ULK4: variants seen among roughly 807,000 people sequenced by gnomAD.
ULK4 encodes unc-51 like kinase 4, also known as inactive serine/threonine-protein kinase ULK4.
A neutral mutation model predicts 160.6 loss-of-function variants in ULK4; 133 were observed. The observed-to-expected ratio is 0.83, with a 90% CI of 0.72 to 0.96. The LOEUF is 0.96. Among genes scored for constraint, ULK4 ranks in the 40% least tolerant of loss-of-function variants. The pLI is 0.00. For missense variants in ULK4, 1,580 were observed against 1,499.5 expected (o/e 1.05, Z -0.89); for synonymous variants, 534 against 539.8 (o/e 0.99, Z 0.15).
intron 17 of ULK4, chr3:41,882,424 G>C: frequency 6.4e-6 from 4 of 628,476 alleles, no homozygotes. Context: ...ATTCAGACTA[G>C]CTTTTCTTCA....
chr3:41,468,412 G>A (rs975136526), intron 32 of ULK4, among the ~76,000 whole-genome samples: 1 of 152,130 alleles, frequency 6.6e-6, no homozygotes, highest in South Asian at 2.1e-4. Context: ...TAGGAATCAC[G>A]ACAATGTAAA....
intron 32 of ULK4, among the ~76,000 whole-genome samples, chr3:41,557,166 T>G (rs531412632): frequency 6.6e-6 from 1 of 152,042 alleles, no homozygotes; most frequent in African/African-American, 2.4e-5. Context: ...ATTTGACAAA[T>G]GTCATTATTC....
At chr3:41,476,692 A>G (rs2084157510) in intron 32 of ULK4, among the ~76,000 whole-genome samples, 1 of 152,006 alleles carries the variant, frequency 6.6e-6, no homozygotes, top group South Asian at 2.1e-4. Flanking sequence ...CCTGTGGCTT[A>G]GATCAGCTCT....
At chr3:41,912,006 A>AT (rs1367981614) in intron 9 of ULK4, among the ~76,000 whole-genome samples, 1 of 151,436 alleles carries the variant, frequency 6.6e-6, no homozygotes, top group Non-Finnish European at 1.5e-5. Flanking sequence ...GTTTTTAACA[A>AT]TTTTTTTTAA....
chr3:41,910,801 C>G (rs1019232274), intron 11 of ULK4, among the ~76,000 whole-genome samples: 11 of 151,882 alleles, frequency 7.2e-5, no homozygotes, highest in African/African-American at 2.7e-4. Context: ...AAAACACCAT[C>G]TCTACAAAAA....
At chr3:41,534,635 A>C (rs1227420233) in intron 32 of ULK4, among the ~76,000 whole-genome samples, 1 of 152,158 alleles carries the variant, frequency 6.6e-6, no homozygotes, top group Non-Finnish European at 1.5e-5. Flanking sequence ...GGCAACAGAC[A>C]CTGAACTGAG....
chr3:41,346,645 G>A (rs780826698), intron 35 of ULK4, among the ~76,000 whole-genome samples: 1 of 152,096 alleles, frequency 6.6e-6, no homozygotes, highest in Admixed American at 6.5e-5. Flanking sequence ...ATATTTTCAA[G>A]TTTTTGGTTT....
chr3:41,911,030 A>T (rs1698765500), intron 11 of ULK4, among the ~76,000 whole-genome samples: 1 of 152,248 alleles, frequency 6.6e-6, no homozygotes, highest in Non-Finnish European at 1.5e-5. Flanking sequence ...TAAGTTAAAG[A>T]ACAAAATGAA....
At position 41,715,244 on chromosome 3, in the gene ULK4, G is replaced by C; in HGVS notation, c.2627C>G (p.Thr876Ser). The change falls in exon 25 of 37, where the codon ACT (threonine) becomes AGT (serine). Residue 876 changes from threonine to serine, a missense_variant. Coordinates refer to ENST00000301831, the MANE Select transcript of ULK4 (RefSeq NM_017886.4). ...AAATTTCGTGTTACTCACAAGAATA[G>C]TTCCATAGCTGAAAAGAAACTCTTC... ...VTEEFLFSYGTILSHIKSVDS... is the reference protein window; with the variant it reads ...VTEEFLFSYGSILSHIKSVDS... 6.2e-7 allele frequency: 1 copy of C among 1,612,928 alleles called. No homozygotes were observed. The highest frequency in any genetic ancestry group is 1.1e-5 in the South Asian group (1 of 90,918).
At chr3:41,772,485 T>C (rs1242339559) in intron 21 of ULK4, among the ~76,000 whole-genome samples, 1 of 152,076 alleles carries the variant, frequency 6.6e-6, no homozygotes, top group Admixed American at 6.6e-5. Context: ...ATGGATAAAT[T>C]CCTCGACACA....
At chr3:41,642,730 G>T (rs2034280207) in intron 30 of ULK4, among the ~76,000 whole-genome samples, 1 of 152,170 alleles carries the variant, frequency 6.6e-6, no homozygotes, top group African/African-American at 2.4e-5. Flanking sequence ...GGGTCAAATG[G>T]TATTTCTAGT....
chr3:41,286,819 C>G (rs1409870988), intron 35 of ULK4, among the ~76,000 whole-genome samples: 3 of 152,218 alleles, frequency 2.0e-5, no homozygotes, highest in African/African-American at 7.2e-5. Flanking sequence ...CTCTTGCTGT[C>G]AAAGTCGCTC....
intron 22 of ULK4, among the ~76,000 whole-genome samples, chr3:41,753,948 T>C (rs2038710182): frequency 6.6e-6 from 1 of 151,874 alleles, no homozygotes. Flanking sequence ...ATGGAGTGAG[T>C]GCCAGCATGG....
intron 30 of ULK4, among the ~76,000 whole-genome samples, chr3:41,655,372 T>G: frequency 1.0e-5 from 1 of 98,794 alleles, no homozygotes; most frequent in African/African-American, 4.0e-5. Flanking sequence ...CACCGGGGAC[T>G]GTTGTGGGGT....
intron 21 of ULK4, among the ~76,000 whole-genome samples, chr3:41,787,888 T>A (rs918859889): frequency 1.3e-5 from 2 of 152,232 alleles, no homozygotes; most frequent in Non-Finnish European, 2.9e-5. Context: ...CCTATTTTAC[T>A]GCTTTTGTGA....
intron 17 of ULK4, among the ~76,000 whole-genome samples, chr3:41,851,442 G>A (rs1450436901): frequency 2.0e-5 from 3 of 152,140 alleles, no homozygotes; most frequent in Admixed American, 6.6e-5. Flanking sequence ...TGATCATGGT[G>A]GATAAGCTTT....
chr3:41,527,971 G>A (rs778369718), intron 32 of ULK4, among the ~76,000 whole-genome samples: 2 of 152,098 alleles, frequency 1.3e-5, no homozygotes, highest in Admixed American at 6.5e-5. Flanking sequence ...TTTGACCCTC[G>A]AGAATTATAA....
intron 17 of ULK4, among the ~76,000 whole-genome samples, chr3:41,882,637 G>C (rs888604806): frequency 6.6e-6 from 1 of 152,122 alleles, no homozygotes; most frequent in Admixed American, 6.5e-5. Context: ...TGCAACTACT[G>C]AATCATTTAA....
chr3:41,958,750 T>C (rs1030520698), intron 1 of ULK4, among the ~76,000 whole-genome samples: 3 of 151,656 alleles, frequency 2.0e-5, no homozygotes, highest in Non-Finnish European at 4.4e-5. Context: ...ATTTTACAGA[T>C]GAAAAAAAAA....
Sources: allele counts gnomAD v4.1 joint callset (sites outside exome capture counted in the v4.1 genomes callset), GRCh38; gene constraint gnomAD v4.1.1; transcripts MANE v1.5; gene names NCBI Gene and HGNC (gene_info 2026-07-23, HGNC 2026-07-21).